Variants in RSPH1 observed in about 807,000 individuals in gnomAD.
RSPH1 encodes the protein radial spoke head 1 homolog.
A neutral mutation model predicts 44.2 loss-of-function variants in RSPH1; 32 were observed. That is an observed-to-expected ratio of 0.72 (90% CI 0.55 to 0.97). The LOEUF (loss-of-function observed/expected upper bound fraction) is 0.97, where lower values mean the gene tolerates loss of function less well. Among genes scored for constraint, RSPH1 ranks in the 50% least tolerant of loss-of-function variants. The probability of loss-of-function intolerance (pLI) is 0.00; values close to 1 mark genes in which losing one functional copy is unlikely to be tolerated. For missense variants in RSPH1, 391 were observed against 398.7 expected, an observed-to-expected ratio of 0.98 and a Z score of 0.16; for synonymous variants, 134 against 147.3, an observed-to-expected ratio of 0.91 and a Z score of 0.65.
At chr21:42,476,182 C>G in intron 7 of RSPH1, 135 bp from the exon 8 acceptor site, 2 of 830,720 alleles carry the variant, frequency 2.4e-6, no homozygotes, top group South Asian at 3.5e-5. Flanking sequence ...TGTTCCCCAT[C>G]TCAACATCCA....
intron 6 of RSPH1, among the ~76,000 whole-genome samples, chr21:42,481,951 A>G (rs1197607356): frequency 6.6e-6 from 1 of 152,262 alleles, no homozygotes; most frequent in Non-Finnish European, 1.5e-5. Context: ...TCAGAGGAGC[A>G]TGCTGCACAA....
At position 42,477,271 on chromosome 21, in the gene RSPH1, AG is replaced by A. The variant is rs144909525; in HGVS notation, c.727+19del. On this transcript the variant is annotated intron_variant, in intron 7 of 8. Transcript: ENST00000291536. ...ACACCCTCTGCCCCCTCCACCCCAC[AG>A]CCCGGGGGTGCCCCACACTCTCAGC... 1.9e-4 allele frequency: 306 copies of A among 1,581,836 alleles called. 11 individuals carry two copies. In the African/African-American group the frequency reaches 3.8e-3, roughly 20 times the overall value.
At chr21:42,493,944 G>T (rs901499997) in intron 1 of RSPH1, among the ~76,000 whole-genome samples, 3 of 152,136 alleles carry the variant, frequency 2.0e-5, no homozygotes, top group African/African-American at 7.2e-5. Context: ...TAGAGACAAG[G>T]TCTCACTATA....
rs549396228 is a variant in RSPH1, at chr21:42,481,279, C to T, written c.573+1358G>A. On this transcript the variant is annotated intron_variant, in intron 6 of 8. Transcript: ENST00000291536. The stretch of plus-strand genomic sequence containing the variant: ...GAGCTATGGTACCAGCTCCCCTTCA[C>T]CTTCCATCATGAGTGGAAGCTTCCT... 6.6e-5 allele frequency among the ~76,000 whole-genome samples: 10 copies of T among 152,286 alleles called. No homozygotes were observed. The East Asian group carries it at 1.9e-3, about 29-fold the overall frequency.
intron 6 of RSPH1, among the ~76,000 whole-genome samples, chr21:42,478,853 G>A (rs541756049): frequency 6.6e-6 from 1 of 152,324 alleles, no homozygotes; most frequent in East Asian, 1.9e-4. Flanking sequence ...CGTGCTAAAT[G>A]AAAGAAGCCA....
intron 7 of RSPH1, among the ~76,000 whole-genome samples, chr21:42,476,668 A>G (rs1468229111): frequency 6.6e-6 from 1 of 151,350 alleles, no homozygotes; most frequent in Admixed American, 6.6e-5. Context: ...CCGGGGTCAC[A>G]CCCACATTCA....
intron 6 of RSPH1, among the ~76,000 whole-genome samples, chr21:42,479,685 C>T (rs1426869250): frequency 6.6e-6 from 1 of 151,232 alleles, no homozygotes; most frequent in African/African-American, 2.4e-5. Flanking sequence ...ATCCTAAAGC[C>T]GACTGTCTTT....
chr21:42,490,403 A>G (rs1033037275), intron 3 of RSPH1, among the ~76,000 whole-genome samples: 1 of 152,222 alleles, frequency 6.6e-6, no homozygotes, highest in African/African-American at 2.4e-5. Context: ...TAACTCAGCC[A>G]TACATTAACT....
intron 3 of RSPH1, 115 bp from the exon 4 acceptor site, chr21:42,486,576 C>T: frequency 1.3e-6 from 1 of 752,598 alleles, no homozygotes; most frequent in Non-Finnish European, 2.4e-6. Context: ...GCAAATGAAG[C>T]CCATGCACAC....
In RSPH1 at chr21:42,475,885, G is replaced by A. The variant is rs747107857; in HGVS notation, c.877+13C>T. 1.2e-5 allele frequency: 19 copies of A among 1,608,654 alleles called. No individual in the cohort carries two copies. In the Admixed American group the frequency reaches 1.2e-4, roughly 10 times the overall value. ...GCGGGCCCTCGCCCCACTTCCCTGC[G>A]CAGGGACCTCACCCTCATCCATGTC... is the stretch of plus-strand genomic sequence containing the variant. On this transcript the variant is annotated intron_variant, in intron 8 of 8. Transcript: ENST00000291536.
In RSPH1 at chr21:42,495,700, A is replaced by T. The variant is rs138825039; in HGVS notation, c.54+433T>A. On this transcript the variant is annotated intron_variant, in intron 1 of 8. Coordinates refer to ENST00000291536, the MANE Select transcript of RSPH1 (RefSeq NM_080860.4). ...CAGCATTTCTTGGAGGCTGCCAGGA[A>T]GCAACTATCCTCCATGCATCTAAAT... Among the ~76,000 whole-genome samples the T allele has an allele frequency of 1.1e-4, 17 of 152,310 alleles. 2 individuals are homozygous for T. Among genetic ancestry groups the T allele is most frequent in the East Asian group, 1.9e-4 (1 of 5,176 alleles).
chr21:42,485,769 C>A lies in RSPH1; in HGVS notation c.401G>T (p.Gly134Val), dbSNP rs777113847. ...CACCCAGGTGCCAACATACTTACTG[C>A]CCGTCTCCGCGTATAAATAGGTGCC... is the stretch of plus-strand genomic sequence containing the variant. ...GQGTYLYAET[G>V]SKYVGTWVNG... Residue 134 changes from glycine (G) to valine (V), a missense_variant, in exon 5 of 9, where the codon GGC becomes GTC. Coordinates refer to ENST00000291536, the MANE Select transcript of RSPH1 (RefSeq NM_080860.4). 2 of 1,614,214 alleles carry A rather than the reference C, an allele frequency of 1.2e-6. No homozygotes were observed. Among genetic ancestry groups the A allele is most frequent in the East Asian group, 2.2e-5 (1 of 44,892 alleles).
intron 4 of RSPH1, 21 bp downstream of exon 4, chr21:42,486,350 G>A (rs372455015): frequency 2.0e-6 from 3 of 1,538,362 alleles, no homozygotes; most frequent in South Asian, 1.1e-5. Context: ...ATCCCGTTAA[G>A]ACCCAAGATA....
In RSPH1 at chr21:42,474,326, C is replaced by T. The variant is rs910241592; in HGVS notation, c.878-1456G>A. Among the ~76,000 whole-genome samples, 1 of 152,222 alleles carries T rather than the reference C, an allele frequency of 6.6e-6. No homozygotes were observed. The highest frequency in any genetic ancestry group is 2.4e-5 in the African/African-American group (1 of 41,450). On this transcript the variant is annotated intron_variant, in intron 8 of 8. Coordinates refer to ENST00000291536, the MANE Select transcript of RSPH1 (RefSeq NM_080860.4). This position sits in a 1 kb window ranked among gnomAD's most constrained non-coding sequence, Gnocchi z 5.2. ...CCTGGTTTCACCCATTCCTTGCCAC[C>T]TCCCTCCCAGCTAACCCGGAGTTTC...
At position 42,472,570 on chromosome 21, in the gene RSPH1, C is replaced by A; in HGVS notation, c.*248G>T. 1 of 345,582 alleles carries A rather than the reference C, an allele frequency of 2.9e-6. No homozygotes were observed. Among genetic ancestry groups the A allele is most frequent in the Non-Finnish European group, 5.2e-6 (1 of 192,404 alleles). 21.4% of individuals were successfully genotyped at this position (345,582 alleles called of 1,614,324 possible). A position where few individuals can be genotyped will look rare whatever the true frequency, so the allele number is the denominator to read the frequency against. Reference sequence around the variant, plus strand: ...AGCTGAGAAAGAAAGACTAAAAACCCTCTAATAAAGATTGTTAACTGACAG... The same window carrying A: ...AGCTGAGAAAGAAAGACTAAAAACCATCTAATAAAGATTGTTAACTGACAG... On this transcript the variant is annotated 3_prime_UTR_variant, in exon 9 of 9. Transcript: ENST00000291536.
At chr21:42,477,527 G>T in intron 6 of RSPH1, 83 bp from the exon 7 acceptor site, 1 of 1,456,098 alleles carries the variant, frequency 6.9e-7, no homozygotes, top group Non-Finnish European at 9.5e-7. Flanking sequence ...GGAAGGACAA[G>T]TTTTGAAAGA....
intron 7 of RSPH1, among the ~76,000 whole-genome samples, chr21:42,476,487 G>A (rs1047201416): frequency 6.6e-6 from 1 of 152,176 alleles, no homozygotes; most frequent in East Asian, 1.9e-4. Context: ...GAGGCCAATC[G>A]GAGTTGGCTT....
At chr21:42,479,222 G>A (rs2054101153) in intron 6 of RSPH1, among the ~76,000 whole-genome samples, 1 of 152,208 alleles carries the variant, frequency 6.6e-6, no homozygotes. Flanking sequence ...CCCCTTACTA[G>A]GGAGAGAGAA....
At chr21:42,482,513 ATGTGAAAG>A (rs1056784096) in intron 6 of RSPH1, 116 bp downstream of exon 6, 36 of 642,926 alleles carry the variant, frequency 5.6e-5, no homozygotes, top group Non-Finnish European at 7.9e-5. Context: ...GAAAATGAAA[ATGTGAAAG>A]TGCCTAAGAG....
Sources: allele counts gnomAD v4.1 joint callset (sites outside exome capture counted in the v4.1 genomes callset), GRCh38; gene constraint gnomAD v4.1.1; non-coding constraint Gnocchi (gnomAD v3.1); transcripts MANE v1.5; gene names NCBI Gene and HGNC (gene_info 2026-07-23, HGNC 2026-07-21).